Variants in MBOAT1 observed in about 807,000 individuals in gnomAD.
MBOAT1 encodes membrane-bound glycerophospholipid O-acyltransferase 1.
MBOAT1 carries 67 observed loss-of-function variants against 64.4 expected under a neutral mutation model. The ratio of observed to expected loss-of-function variants is 1.04; its 90% CI spans 0.85 to 1.27. The LOEUF is 1.27. MBOAT1 is among the 50% of genes most tolerant of loss of function. The pLI, the probability that MBOAT1 is intolerant of heterozygous loss-of-function variation, is 0.00. For missense variants in MBOAT1, 563 were observed against 604.6 expected, an observed-to-expected ratio of 0.93 and a Z score of 0.72; for synonymous variants, 229 against 218.9, an observed-to-expected ratio of 1.05 and a Z score of -0.41.
chr6:20,211,952 C>A, intron 1 of MBOAT1, 184 bp downstream of exon 1: 1 of 552,080 alleles, frequency 1.8e-6, no homozygotes. Flanking sequence ...AACACTAACA[C>A]CAACTCAAGA....
chr6:20,152,450 G>T (rs1761543344), intron 2 of MBOAT1, among the ~76,000 whole-genome samples, 174 bp downstream of exon 2: 1 of 151,706 alleles, frequency 6.6e-6, no homozygotes, highest in Non-Finnish European at 1.5e-5. Flanking sequence ...GGCTCTTACA[G>T]TAAATGGAGA....
chr6:20,118,576 C>T, intron 8 of MBOAT1, 36 bp from the exon 9 acceptor site: 5 of 1,501,390 alleles, frequency 3.3e-6, no homozygotes, highest in Non-Finnish European at 4.6e-6. Flanking sequence ...GGATATGGAA[C>T]AAAAGTCACA....
chr6:20,211,969 AACACACACACACACACACACAC>A (rs57852903), intron 1 of MBOAT1, 145 bp downstream of exon 1: 9 of 456,896 alleles, frequency 2.0e-5, no homozygotes, highest in Admixed American at 7.7e-5. Context: ...AAGAAGGGAA[AACACACACACACACACACACAC>A]ACACACACAC....
chr6:20,114,611 G>A (rs1027428388), intron 10 of MBOAT1, among the ~76,000 whole-genome samples: 4 of 152,054 alleles, frequency 2.6e-5, no homozygotes, highest in Admixed American at 6.6e-5. Context: ...GGCTGGGTGC[G>A]GTGGCTCCCA....
intron 8 of MBOAT1, among the ~76,000 whole-genome samples, chr6:20,121,328 G>A (rs1173648222): frequency 6.6e-6 from 1 of 152,140 alleles, no homozygotes; most frequent in South Asian, 2.1e-4. Flanking sequence ...TTCTTTATTC[G>A]TAAATAAGAC....
chr6:20,148,423 AC>A (rs1244532879), intron 3 of MBOAT1, among the ~76,000 whole-genome samples: 11 of 152,088 alleles, frequency 7.2e-5, no homozygotes, highest in African/African-American at 2.4e-4. Context: ...ATCTCAAAAA[AC>A]AAAGGGTTAG....
chr6:20,190,536 T>G (rs937074881), intron 1 of MBOAT1, among the ~76,000 whole-genome samples: 1 of 152,172 alleles, frequency 6.6e-6, no homozygotes, highest in African/African-American at 2.4e-5. Context: ...CTCTACCACT[T>G]GTTCTTTTCA....
intron 8 of MBOAT1, 52 bp downstream of exon 8, chr6:20,124,356 C>T: frequency 6.4e-7 from 1 of 1,561,908 alleles, no homozygotes; most frequent in Admixed American, 1.8e-5. Flanking sequence ...CTAAGCCATT[C>T]AAGCAGTAGC....
At chr6:20,180,599 C>T (rs1421821153) in intron 1 of MBOAT1, among the ~76,000 whole-genome samples, 1 of 152,180 alleles carries the variant, frequency 6.6e-6, no homozygotes, top group Non-Finnish European at 1.5e-5. Context: ...TAATTTTTGG[C>T]ACTAAGCTCA....
intron 1 of MBOAT1, among the ~76,000 whole-genome samples, chr6:20,174,450 CAT>C (rs1762286419): frequency 6.6e-6 from 1 of 152,124 alleles, no homozygotes; most frequent in Non-Finnish European, 1.5e-5. Context: ...TGTATCTAAA[CAT>C]AGAAAAGATA....
At chr6:20,154,303 G>A (rs1484387985) in intron 1 of MBOAT1, among the ~76,000 whole-genome samples, 11 of 152,100 alleles carry the variant, frequency 7.2e-5, no homozygotes, top group African/African-American at 1.2e-4. Flanking sequence ...AAGCCGAGGC[G>A]GGCAGGTCAC....
At chr6:20,200,074 C>T (rs1235023570) in intron 1 of MBOAT1, among the ~76,000 whole-genome samples, 1 of 152,168 alleles carries the variant, frequency 6.6e-6, no homozygotes, top group Non-Finnish European at 1.5e-5. Flanking sequence ...GCTATAAACA[C>T]CTCAACATCC....
At chr6:20,149,519 T>TA (rs1761428518) in intron 3 of MBOAT1, among the ~76,000 whole-genome samples, 1 of 152,150 alleles carries the variant, frequency 6.6e-6, no homozygotes, top group African/African-American at 2.4e-5. Context: ...ATCCTCTAGT[T>TA]AAAAAATAAA....
intron 11 of MBOAT1, among the ~76,000 whole-genome samples, chr6:20,110,390 A>T (rs1178241032): frequency 6.6e-6 from 1 of 150,988 alleles, no homozygotes; most frequent in South Asian, 2.1e-4. Context: ...GTTTTAAAAA[A>T]TTTTTGTAGA....
At chr6:20,191,394 A>G (rs1415781735) in intron 1 of MBOAT1, among the ~76,000 whole-genome samples, 1 of 152,236 alleles carries the variant, frequency 6.6e-6, no homozygotes, top group African/African-American at 2.4e-5. Flanking sequence ...CTAAGACAAT[A>G]TTATATTGAA....
intron 1 of MBOAT1, among the ~76,000 whole-genome samples, chr6:20,157,883 C>T (rs186378754): frequency 2.8e-3 from 432 of 152,246 alleles, no homozygotes; most frequent in Admixed American, 5.1e-3. Context: ...AGCCAGCCCG[C>T]AGTGGCTCAT....
intron 8 of MBOAT1, 79 bp from the exon 9 acceptor site, chr6:20,118,619 T>A (rs1258650449): frequency 4.4e-6 from 5 of 1,146,900 alleles, no homozygotes; most frequent in East Asian, 2.4e-5. Context: ...AATATCTGTC[T>A]AGCTTCAAGA....
In MBOAT1 at chr6:20,117,736, C is replaced by G. The variant is rs538758106; in HGVS notation, c.1011+701G>C. Among the ~76,000 whole-genome samples, 4 of 152,368 alleles carry G rather than the reference C, an allele frequency of 2.6e-5. No individual in the cohort carries two copies. The East Asian group carries it at 7.7e-4, about 29-fold the overall frequency. On this transcript the variant is annotated intron_variant, in intron 9 of 12. Coordinates refer to ENST00000324607, the MANE Select transcript of MBOAT1 (RefSeq NM_001080480.3). ...AAAACCAACAGCAAACATGAATCACCTGGCTAGGAATGCAACGCTTCTGCA... is the reference window on the plus strand; with the variant it reads ...AAAACCAACAGCAAACATGAATCACGTGGCTAGGAATGCAACGCTTCTGCA...
Position 20,126,325 on chromosome 6 carries a change from C to T in MBOAT1, c.714+192G>A, listed in dbSNP as rs144399123. On this transcript the variant is annotated intron_variant, in intron 7 of 12. Transcript: ENST00000324607. ...TTTCATTTTCCTAGCCAATGAGCTT[C>T]TCAGTAAAATAAACACCCATTGCTG... Among the ~76,000 whole-genome samples the T allele has an allele frequency of 5.4e-3, 825 of 152,314 alleles. 8 individuals are homozygous for T. The highest frequency in any genetic ancestry group is 0.019 in the African/African-American group (793 of 41,566).
Sources: allele counts gnomAD v4.1 joint callset (sites outside exome capture counted in the v4.1 genomes callset), GRCh38; gene constraint gnomAD v4.1.1; transcripts MANE v1.5; gene names NCBI Gene and HGNC (gene_info 2026-07-23, HGNC 2026-07-21).